RNF115: variants seen among roughly 807,000 people sequenced by gnomAD.
RNF115 encodes the protein E3 ubiquitin-protein ligase RNF115.
A neutral mutation model predicts 39.2 loss-of-function variants in RNF115; 31 were observed. The ratio of observed to expected loss-of-function variants is 0.79; its 90% CI spans 0.59 to 1.07. The LOEUF is 1.07. Ranked by LOEUF, RNF115 falls within the 50% of genes least tolerant of loss-of-function variation. The pLI is 0.00. For synonymous variants in RNF115, 124 were observed against 131.0 expected, an observed-to-expected ratio of 0.95 and a Z score of 0.37; for missense variants, 384 against 381.7, an observed-to-expected ratio of 1.01 and a Z score of -0.05.
chr1:145,747,147 T>C (rs782259492), intron 8 of RNF115, 150 bp from the exon 9 acceptor site: 4 of 779,918 alleles, frequency 5.1e-6, no homozygotes, highest in Non-Finnish European at 8.3e-6. Context: ...GAGCATGCAC[T>C]GGCTCTAAGG....
intron 3 of RNF115, among the ~76,000 whole-genome samples, chr1:145,778,896 T>C (rs974112411): frequency 1.3e-5 from 2 of 152,208 alleles, no homozygotes; most frequent in South Asian, 4.1e-4. Flanking sequence ...TTGTTCTGAT[T>C]ATGTGTGCCT....
chr1:145,754,660 T>TCAC (rs1375383134), intron 4 of RNF115, among the ~76,000 whole-genome samples: 2 of 152,170 alleles, frequency 1.3e-5, no homozygotes, highest in Admixed American at 6.5e-5. Context: ...TTAACTACTG[T>TCAC]CACCCACGTT....
At position 145,771,765 on chromosome 1, in the gene RNF115, C is replaced by A; in HGVS notation, c.374G>T (p.Arg125Leu). Residue 125 changes from arginine (R) to leucine (L), a missense_variant, in exon 4 of 9, where the codon CGG becomes CTG. Transcript: ENST00000582693. ...GARPPRLPLG[R>L]RYRSRGSSRP... Reference sequence around the variant, plus strand: ...AGAACTTCCTCGAGATCTGTATCTCCGACCCAATGGCAACCGTGGAGGTCT... The same window carrying A: ...AGAACTTCCTCGAGATCTGTATCTCAGACCCAATGGCAACCGTGGAGGTCT... 1 of 1,614,144 alleles carries A rather than the reference C, an allele frequency of 6.2e-7. No individual in the cohort carries two copies. The highest frequency in any genetic ancestry group is 1.1e-5 in the South Asian group (1 of 91,078).
At position 145,739,896 on chromosome 1, in the gene RNF115, A is replaced by C. The variant is rs1553710786; in HGVS notation, c.*6970T>G. 6.6e-6 allele frequency: 1 copy of C among 152,196 alleles called. No homozygotes were observed. Among genetic ancestry groups the C allele is most frequent in the Admixed American group, 6.6e-5 (1 of 15,264 alleles). 9.4% of individuals were successfully genotyped at this position (152,196 alleles called of 1,614,324 possible). A position where few individuals can be genotyped will look rare whatever the true frequency, so the allele number is the denominator to read the frequency against. ...CACCCAGTGCAAATGAGGTTTTGAGATGCTATTTCTGTTTACCTATCTGTA... is the reference window on the plus strand; with the variant it reads ...CACCCAGTGCAAATGAGGTTTTGAGCTGCTATTTCTGTTTACCTATCTGTA... On this transcript the variant is annotated 3_prime_UTR_variant, in exon 9 of 9. Coordinates refer to ENST00000582693, the MANE Select transcript of RNF115 (RefSeq NM_014455.4).
At chr1:145,781,905 T>TC (rs1553717465) in intron 3 of RNF115, among the ~76,000 whole-genome samples, 4 of 151,270 alleles carry the variant, frequency 2.6e-5, no homozygotes, top group Non-Finnish European at 5.9e-5. Context: ...TTTTCCTTTT[T>TC]TTTTTTTTTT....
chr1:145,781,800 T>A (rs1470130431), intron 3 of RNF115, among the ~76,000 whole-genome samples: 1 of 152,110 alleles, frequency 6.6e-6, no homozygotes, highest in African/African-American at 2.4e-5. Flanking sequence ...ATCACTGTTA[T>A]ATGACCTCTC....
intron 4 of RNF115, among the ~76,000 whole-genome samples, chr1:145,769,775 A>AAG (rs1647550374): frequency 6.6e-6 from 1 of 151,480 alleles, no homozygotes; most frequent in East Asian, 1.9e-4. Flanking sequence ...AAAAAAAAAA[A>AAG]AAAGATAAGG....
intron 1 of RNF115, among the ~76,000 whole-genome samples, chr1:145,820,287 A>T (rs1457417494): frequency 6.6e-6 from 1 of 151,596 alleles, no homozygotes; most frequent in Non-Finnish European, 1.5e-5. Context: ...CAACATGGCA[A>T]AATCCCATCT....
At chr1:145,750,304 T>C in intron 7 of RNF115, 103 bp downstream of exon 7, 3 of 906,074 alleles carry the variant, frequency 3.3e-6, no homozygotes, top group South Asian at 1.6e-5. Flanking sequence ...TATTTTTTTG[T>C]CTTTTTATTT....
intron 2 of RNF115, among the ~76,000 whole-genome samples, chr1:145,784,962 C>A (rs1439506432): frequency 6.6e-6 from 1 of 152,130 alleles, no homozygotes; most frequent in African/African-American, 2.4e-5. Flanking sequence ...ATTCAACCAC[C>A]AGATGAACAC....
chr1:145,811,369 A>AG (rs1179504711), intron 1 of RNF115, among the ~76,000 whole-genome samples: 2 of 147,626 alleles, frequency 1.4e-5, no homozygotes, highest in East Asian at 2.0e-4. Context: ...AAAAAAAAAA[A>AG]AAAAAAGAAA....
At chr1:145,758,837 A>G (rs1395981873) in intron 4 of RNF115, among the ~76,000 whole-genome samples, 8 of 152,334 alleles carry the variant, frequency 5.3e-5, no homozygotes, top group South Asian at 2.1e-4. Flanking sequence ...GCCCCAATGC[A>G]TAAGAGCTGT....
At chr1:145,750,051 A>G (rs781824961) in intron 7 of RNF115, among the ~76,000 whole-genome samples, 1 of 152,124 alleles carries the variant, frequency 6.6e-6, no homozygotes, top group Admixed American at 6.5e-5. Context: ...CATGTGTCCA[A>G]CACAGTTTTT....
chr1:145,798,944 T>A (rs944561152), intron 1 of RNF115, among the ~76,000 whole-genome samples: 3 of 152,318 alleles, frequency 2.0e-5, no homozygotes, highest in Non-Finnish European at 4.4e-5. Flanking sequence ...ATTGTTTTCT[T>A]AATTTTTCAA....
At chr1:145,764,596 C>T (rs587693365) in intron 4 of RNF115, among the ~76,000 whole-genome samples, 133 of 152,002 alleles carry the variant, frequency 8.7e-4, no homozygotes, top group African/African-American at 3.2e-3. Context: ...AGGATCCCCT[C>T]CGCCCGGCAG....
intron 1 of RNF115, among the ~76,000 whole-genome samples, chr1:145,822,667 A>G (rs587701769): frequency 6.6e-6 from 1 of 151,314 alleles, no homozygotes; most frequent in Admixed American, 6.5e-5. Flanking sequence ...CAGGATTGAC[A>G]TTCACTCTGG....
At chr1:145,775,981 G>C (rs1647864389) in intron 3 of RNF115, among the ~76,000 whole-genome samples, 1 of 151,464 alleles carries the variant, frequency 6.6e-6, no homozygotes, top group African/African-American at 2.4e-5. Flanking sequence ...CTGGGCAACA[G>C]AGCAAGACCC....
At chr1:145,759,931 AACTTC>A (rs1416162516) in intron 4 of RNF115, among the ~76,000 whole-genome samples, 1 of 152,130 alleles carries the variant, frequency 6.6e-6, no homozygotes, top group Non-Finnish European at 1.5e-5. Context: ...CTCTTTTTGA[AACTTC>A]ACTTCAACCA....
chr1:145,780,140 A>T (rs1648063575), intron 3 of RNF115, among the ~76,000 whole-genome samples: 1 of 151,962 alleles, frequency 6.6e-6, no homozygotes, highest in East Asian at 2.0e-4. Context: ...AGGTGAGAGA[A>T]TCACTAGAAC....
Sources: allele counts gnomAD v4.1 joint callset (sites outside exome capture counted in the v4.1 genomes callset), GRCh38; gene constraint gnomAD v4.1.1; transcripts MANE v1.5; gene names NCBI Gene and HGNC (gene_info 2026-07-23, HGNC 2026-07-21).